GCNT2: variants seen among roughly 807,000 people sequenced by gnomAD.
GCNT2 encodes the protein N-acetyllactosaminide beta-1,6-N-acetylglucosaminyl-transferase.
GCNT2 carries 34 observed loss-of-function variants against 34.2 expected under a neutral mutation model. The observed-to-expected ratio is 1.00, with a 90% CI of 0.76 to 1.32. The LOEUF (loss-of-function observed/expected upper bound fraction) is 1.32. Among genes scored for constraint, GCNT2 ranks in the 40% most tolerant of loss-of-function variants. GCNT2 has a pLI of 0.00. For synonymous variants in GCNT2, 212 were observed against 188.0 expected (o/e 1.13, Z -1.04); for missense variants, 584 against 489.4 (o/e 1.19, Z -1.82).
intron 3 of GCNT2, among the ~76,000 whole-genome samples, chr6:10,572,086 C>T (rs1763577296): frequency 6.6e-6 from 1 of 150,990 alleles, no homozygotes; most frequent in East Asian, 1.9e-4. Flanking sequence ...TACTGAAATC[C>T]CGTGTTCTGG....
intron 3 of GCNT2, among the ~76,000 whole-genome samples, chr6:10,551,069 C>T (rs916465599): frequency 2.0e-5 from 3 of 152,144 alleles, no homozygotes; most frequent in Non-Finnish European, 4.4e-5. Flanking sequence ...GTTCATTGGC[C>T]GTGACCTATT....
chr6:10,622,743 T>C (rs1035525096), intron 4 of GCNT2, among the ~76,000 whole-genome samples: 1 of 24,238 alleles, frequency 4.1e-5, no homozygotes, highest in African/African-American at 1.7e-4. Flanking sequence ...TCAGTCCATC[T>C]TTTTTTTTTT....
chr6:10,574,328 C>T (rs1274441843), intron 3 of GCNT2, among the ~76,000 whole-genome samples: 2 of 152,186 alleles, frequency 1.3e-5, no homozygotes, highest in Non-Finnish European at 2.9e-5. Context: ...ACCTACCAAC[C>T]TCTTTAACTC....
At chr6:10,527,124 C>T (rs932582058) in intron 1 of GCNT2, among the ~76,000 whole-genome samples, 14 of 152,164 alleles carry the variant, frequency 9.2e-5, no homozygotes, top group Non-Finnish European at 1.6e-4. Context: ...AAAACTTGAG[C>T]ATTCAATCAA....
intron 3 of GCNT2, among the ~76,000 whole-genome samples, chr6:10,542,005 C>T (rs1372000076): frequency 1.3e-5 from 2 of 152,174 alleles, no homozygotes; most frequent in African/African-American, 4.8e-5. Context: ...CGAGCCTCAA[C>T]CAACACAAAG....
intron 1 of GCNT2, among the ~76,000 whole-genome samples, chr6:10,524,930 T>G (rs2113480879): frequency 6.6e-6 from 1 of 152,086 alleles, no homozygotes; most frequent in Admixed American, 6.6e-5. Flanking sequence ...GTTCTTCCTC[T>G]GAGACTGCAT....
intron 3 of GCNT2, among the ~76,000 whole-genome samples, chr6:10,600,708 T>C (rs539444711): frequency 1.3e-5 from 2 of 152,326 alleles, no homozygotes; most frequent in Admixed American, 1.3e-4. Flanking sequence ...ATGCCTTTTG[T>C]ATGTTACAAG....
intron 3 of GCNT2, among the ~76,000 whole-genome samples, chr6:10,563,765 A>AG (rs1763134343): frequency 3.1e-5 from 2 of 63,582 alleles, no homozygotes; most frequent in Non-Finnish European, 6.0e-5. Flanking sequence ...AGAAAAAAAA[A>AG]AAAAAAAAAA....
chr6:10,609,625 A>T (rs1765467763), intron 3 of GCNT2, among the ~76,000 whole-genome samples: 1 of 152,160 alleles, frequency 6.6e-6, no homozygotes, highest in Non-Finnish European at 1.5e-5. Context: ...CCGGAATGTG[A>T]TCTATAGAAC....
At chr6:10,551,923 A>C (rs1453985897) in intron 3 of GCNT2, among the ~76,000 whole-genome samples, 1 of 150,560 alleles carries the variant, frequency 6.6e-6, no homozygotes, top group Non-Finnish European at 1.5e-5. Context: ...ATGCCCAGCT[A>C]ATTTTTGTAT....
intron 3 of GCNT2, among the ~76,000 whole-genome samples, chr6:10,568,290 T>C (rs1763375354): frequency 6.6e-6 from 1 of 152,014 alleles, no homozygotes; most frequent in Non-Finnish European, 1.5e-5. Context: ...ACACCCAGCT[T>C]TCCACTCACA....
chr6:10,595,773 G>A (rs529195547), intron 3 of GCNT2, among the ~76,000 whole-genome samples: 8 of 152,262 alleles, frequency 5.3e-5, no homozygotes, highest in African/African-American at 1.4e-4. Context: ...CTTCCTCAGT[G>A]TTAAAACAAA....
At chr6:10,557,021 G>A in intron 3 of GCNT2, 6 of 1,613,520 alleles carry the variant, frequency 3.7e-6, no homozygotes, top group Non-Finnish European at 5.1e-6. Context: ...AACCAACAAG[G>A]AAATAGTTCA....
rs200786400 is a variant in GCNT2, at chr6:10,528,958, C to G, written c.47C>G (p.Ser16Cys). The G allele has an allele frequency of 5.6e-6, 9 of 1,613,908 alleles. No individual in the cohort carries two copies. The highest frequency in any genetic ancestry group is 7.6e-6 in the Non-Finnish European group (9 of 1,179,906). Reference sequence around the variant, plus strand: ...TGTCTTTTTAGCGCGTCTCTTATCTCTGCCCTGATTTTTGTATTTGTTTAC... The same window carrying G: ...TGTCTTTTTAGCGCGTCTCTTATCTGTGCCCTGATTTTTGTATTTGTTTAC... ...KHCLFSASLI[S>C]ALIFVFVYNT... Residue 16 changes from serine (S) to cysteine (C), a missense_variant, in exon 3 of 5, where the codon TCT becomes TGT. By Grantham distance (112) the Ser-to-Cys change is moderately radical (BLOSUM62 -1). Transcript: ENST00000495262.
At chr6:10,598,794 A>G (rs929735261) in intron 3 of GCNT2, among the ~76,000 whole-genome samples, 3 of 152,138 alleles carry the variant, frequency 2.0e-5, no homozygotes, top group African/African-American at 7.2e-5. Flanking sequence ...TTGGCTTCCA[A>G]TCCAGCTTTG....
At chr6:10,608,975 A>G (rs1300166834) in intron 3 of GCNT2, among the ~76,000 whole-genome samples, 1 of 152,190 alleles carries the variant, frequency 6.6e-6, no homozygotes, top group Non-Finnish European at 1.5e-5. Context: ...TGGATGCCTA[A>G]AACCCCGGTG....
intron 3 of GCNT2, among the ~76,000 whole-genome samples, chr6:10,560,838 C>A (rs994778513): frequency 1.3e-5 from 2 of 152,038 alleles, no homozygotes; most frequent in Admixed American, 1.3e-4. Context: ...ATACAACAGG[C>A]CAGAAAGAGG....
intron 3 of GCNT2, among the ~76,000 whole-genome samples, chr6:10,569,582 C>G (rs1763445665): frequency 6.6e-6 from 1 of 152,224 alleles, no homozygotes. Flanking sequence ...TCCAAAGCAT[C>G]CTGCTTATTT....
intron 3 of GCNT2, among the ~76,000 whole-genome samples, chr6:10,582,473 T>TATAATA (rs1400005254): frequency 6.2e-5 from 7 of 112,280 alleles, no homozygotes; most frequent in South Asian, 2.4e-4. Context: ...ATATAATATA[T>TATAATA]ACTATAATAT....
Sources: gnomAD v4.1 joint callset for allele counts (sites outside exome capture counted in the v4.1 genomes callset) on GRCh38, gnomAD v4.1.1 for gene constraint, MANE v1.5 for transcripts, NCBI Gene and HGNC (gene_info 2026-07-23, HGNC 2026-07-21) for gene names.